Variants in SORL1 observed in about 807,000 individuals in gnomAD.
SORL1 encodes the protein sortilin-related receptor.
SORL1 carries 127 observed loss-of-function variants against 273.7 expected under a neutral mutation model. That is an observed-to-expected ratio of 0.46 (90% CI 0.40 to 0.54). SORL1 has a LOEUF of 0.54. SORL1 is among the 20% of genes least tolerant of loss of function. The pLI is 0.00. For synonymous variants in SORL1, 1,031 were observed against 1,067.4 expected (o/e 0.97, Z 0.66); for missense variants, 2,494 against 2,846.1 (o/e 0.88, Z 2.81).
At chr11:121,572,429 C>A (rs866823562) in intron 23 of SORL1, among the ~76,000 whole-genome samples, 1 of 152,082 alleles carries the variant, frequency 6.6e-6, no homozygotes, top group Non-Finnish European at 1.5e-5. Context: ...TCTGCTCCGT[C>A]GTCTCCCTGT....
chr11:121,506,423 G>C (rs1861787982), intron 6 of SORL1, among the ~76,000 whole-genome samples: 1 of 152,172 alleles, frequency 6.6e-6, no homozygotes, highest in South Asian at 2.1e-4. Flanking sequence ...GCAGGAGCAA[G>C]TCATGTCTTA....
intron 16 of SORL1, among the ~76,000 whole-genome samples, chr11:121,553,114 A>G (rs763230412): frequency 5.3e-5 from 8 of 152,208 alleles, no homozygotes; most frequent in Non-Finnish European, 1.0e-4. Context: ...GTAGTGGTTA[A>G]AGCATAGACT....
intron 5 of SORL1, among the ~76,000 whole-genome samples, chr11:121,492,728 G>A (rs781611558): frequency 8.6e-5 from 13 of 151,850 alleles, no homozygotes; most frequent in Admixed American, 2.0e-4. Context: ...ATGTGTTAGG[G>A]AAGAAATATT....
At chr11:121,572,980 C>T (rs1202596272) in intron 23 of SORL1, among the ~76,000 whole-genome samples, 1 of 152,192 alleles carries the variant, frequency 6.6e-6, no homozygotes, top group Admixed American at 6.5e-5. Flanking sequence ...TTCTGTTCTG[C>T]CACATTTTAC....
At chr11:121,522,060 A>T (rs1485332475) in intron 9 of SORL1, among the ~76,000 whole-genome samples, 1 of 152,256 alleles carries the variant, frequency 6.6e-6, no homozygotes, top group Non-Finnish European at 1.5e-5. Flanking sequence ...TAAAATACAT[A>T]GGAAAAAATT....
chr11:121,596,214 A>C lies in SORL1; in HGVS notation c.4519+442A>C, dbSNP rs191843791. Among the ~76,000 whole-genome samples, 1 of 152,274 alleles carries C rather than the reference A, an allele frequency of 6.6e-6. No individual in the cohort carries two copies. Among genetic ancestry groups the C allele is most frequent in the East Asian group, 1.9e-4 (1 of 5,178 alleles). ...CACCCCATTAAGAAAATTCATTCTC[A>C]GTCCTTAGGGTAATTATGGTTGGTG... On this transcript the variant is annotated intron_variant, in intron 32 of 47. Coordinates refer to ENST00000260197, the MANE Select transcript of SORL1 (RefSeq NM_003105.6). The surrounding 1 kb of genome is among the most constrained non-coding windows in gnomAD (Gnocchi z 4.3).
intron 45 of SORL1, among the ~76,000 whole-genome samples, chr11:121,624,253 T>C (rs190071903): frequency 6.6e-6 from 1 of 152,202 alleles, no homozygotes; most frequent in Non-Finnish European, 1.5e-5. Flanking sequence ...CAAGAGACTG[T>C]GATTATGCAA....
At chr11:121,503,902 G>C (rs1255917583) in intron 6 of SORL1, among the ~76,000 whole-genome samples, 1 of 152,146 alleles carries the variant, frequency 6.6e-6, no homozygotes, top group Non-Finnish European at 1.5e-5. Flanking sequence ...AGATCAGCTT[G>C]TCAATTTTTT....
At chr11:121,607,070 C>A in intron 36 of SORL1, 113 bp downstream of exon 36, 1 of 1,002,046 alleles carries the variant, frequency 1.0e-6, no homozygotes, top group Non-Finnish European at 1.6e-6. Flanking sequence ...GATGACCCAT[C>A]CGTCAGAACA....
intron 11 of SORL1, among the ~76,000 whole-genome samples, chr11:121,524,099 T>G (rs1434147820): frequency 6.6e-6 from 1 of 152,210 alleles, no homozygotes; most frequent in Non-Finnish European, 1.5e-5. Context: ...AGGCAGATTG[T>G]TAAGGCCATT....
At chr11:121,456,249 A>C (rs1860903511) in intron 1 of SORL1, among the ~76,000 whole-genome samples, 1 of 152,098 alleles carries the variant, frequency 6.6e-6, no homozygotes, top group Admixed American at 6.5e-5. Context: ...CTATGGTGGG[A>C]AGAGTTTCTT....
chr11:121,590,884 G>C (rs2282647), intron 30 of SORL1, 117 bp from the exon 31 acceptor site: 41,030 of 1,084,774 alleles, frequency 0.038, 1,767 homozygotes, highest in East Asian at 0.22. Context: ...CCAGTCACTG[G>C]CCTCCCTCAG....
chr11:121,598,086 C>A (rs754145435), intron 32 of SORL1, among the ~76,000 whole-genome samples: 1 of 152,106 alleles, frequency 6.6e-6, no homozygotes, highest in Non-Finnish European at 1.5e-5. Flanking sequence ...GATAGGGCGA[C>A]CCCTGTGCTT....
intron 44 of SORL1, among the ~76,000 whole-genome samples, chr11:121,621,682 C>G (rs1033018179): frequency 3.9e-5 from 6 of 152,152 alleles, no homozygotes; most frequent in Non-Finnish European, 7.4e-5. Context: ...GGCAGTCAGG[C>G]TCAAGTTCAG....
intron 12 of SORL1, among the ~76,000 whole-genome samples, chr11:121,537,318 A>G (rs1229717986): frequency 6.6e-6 from 1 of 152,166 alleles, no homozygotes; most frequent in Non-Finnish European, 1.5e-5. Context: ...GCATTATAGA[A>G]TGATGGATCT....
intron 3 of SORL1, among the ~76,000 whole-genome samples, chr11:121,481,291 G>T (rs1342205125): frequency 4.2e-5 from 5 of 119,492 alleles, no homozygotes; most frequent in Admixed American, 4.0e-4. Flanking sequence ...CTATAGGCAG[G>T]CTCCATCTCC....
At chr11:121,474,214 G>A (rs1283600611) in intron 2 of SORL1, among the ~76,000 whole-genome samples, 1 of 152,132 alleles carries the variant, frequency 6.6e-6, no homozygotes, top group East Asian at 1.9e-4. Flanking sequence ...TGTGGTTGTG[G>A]TCTGTGGATC....
chr11:121,510,355 T>C (rs1345054121), intron 6 of SORL1, among the ~76,000 whole-genome samples: 3 of 152,244 alleles, frequency 2.0e-5, no homozygotes, highest in Non-Finnish European at 4.4e-5. Flanking sequence ...CCTTGCTGCC[T>C]GGAGGTAGGC....
chr11:121,457,507 A>T (rs1018821078), intron 1 of SORL1, among the ~76,000 whole-genome samples: 2 of 152,250 alleles, frequency 1.3e-5, no homozygotes, highest in Non-Finnish European at 2.9e-5. Flanking sequence ...TGTTACCTGT[A>T]GTCCCTGGTA....
Sources: allele counts gnomAD v4.1 joint callset (sites outside exome capture counted in the v4.1 genomes callset), GRCh38; gene constraint gnomAD v4.1.1; non-coding constraint Gnocchi (gnomAD v3.1); transcripts MANE v1.5; gene names NCBI Gene and HGNC (gene_info 2026-07-23, HGNC 2026-07-21).